The following NALCN variants were observed in gnomAD, a reference collection of about 807,000 sequenced individuals.
The protein encoded by NALCN is sodium leak channel NALCN.
NALCN carries 111 observed loss-of-function variants against 225.3 expected under a neutral mutation model. The ratio of observed to expected loss-of-function variants is 0.49; its 90% CI spans 0.42 to 0.58. NALCN has a LOEUF of 0.58. Ranked by LOEUF, NALCN falls within the 20% of genes least tolerant of loss-of-function variation. The pLI, the probability that NALCN is intolerant of heterozygous loss-of-function variation, is 0.00. For missense variants in NALCN, 1,378 were observed against 2,202.4 expected, an observed-to-expected ratio of 0.63 and a Z score of 7.49; for synonymous variants, 764 against 769.0, an observed-to-expected ratio of 0.99 and a Z score of 0.11.
chr13:101,124,594 T>C lies in NALCN; in HGVS notation c.2192+14A>G, dbSNP rs2036141933. 6.2e-7 allele frequency: 1 copy of C among 1,606,926 alleles called. No homozygotes were observed. Among genetic ancestry groups the C allele is most frequent in the East Asian group, 2.2e-5 (1 of 44,828 alleles). On this transcript the variant is annotated intron_variant, in intron 18 of 43. Transcript: ENST00000251127. ...ACTTGTGTTTAAATATGTGTCAACA[T>C]TAATTGGTGTTACCTTAAGATTTTA... is the stretch of plus-strand genomic sequence containing the variant.
intron 13 of NALCN, among the ~76,000 whole-genome samples, chr13:101,197,049 G>GA (rs1215909756): frequency 6.6e-6 from 1 of 151,956 alleles, no homozygotes; most frequent in Non-Finnish European, 1.5e-5. Context: ...CTCCTCAGCT[G>GA]AAAAAAATAA....
At chr13:101,371,091 T>C (rs925575801) in intron 6 of NALCN, among the ~76,000 whole-genome samples, 7 of 152,216 alleles carry the variant, frequency 4.6e-5, no homozygotes, top group African/African-American at 1.7e-4. Context: ...CAATAGTTCA[T>C]TATTTATTAT....
At chr13:101,211,467 C>T (rs2040519555) in intron 13 of NALCN, among the ~76,000 whole-genome samples, 1 of 151,810 alleles carries the variant, frequency 6.6e-6, no homozygotes, top group Non-Finnish European at 1.5e-5. Context: ...TTATGTGATT[C>T]ATCCTCTAAA....
intron 10 of NALCN, among the ~76,000 whole-genome samples, chr13:101,268,502 T>C (rs1000844944): frequency 1.6e-4 from 25 of 152,300 alleles, no homozygotes; most frequent in Admixed American, 7.2e-4. Flanking sequence ...TGGGCTTTTC[T>C]AAGGTGTTTA....
At chr13:101,075,831 C>G (rs371574267) in intron 35 of NALCN, 42 bp downstream of exon 35, 2 of 1,521,052 alleles carry the variant, frequency 1.3e-6, no homozygotes, top group African/African-American at 2.8e-5. Flanking sequence ...TTCATTAACA[C>G]ATATATGACC....
chr13:101,058,423 G>GTTTCTTTAT, intron 42 of NALCN: 1 of 190,530 alleles, frequency 5.2e-6, no homozygotes, highest in Non-Finnish European at 1.1e-5. Flanking sequence ...GGGCTGGGCG[G>GTTTCTTTAT]GGGCAGTCTA....
chr13:101,111,205 C>A lies in NALCN; in HGVS notation c.2214G>T (p.Met738Ile), dbSNP rs2035415394. The A allele has an allele frequency of 1.2e-6, 2 of 1,601,636 alleles. No homozygotes were observed. Among genetic ancestry groups the A allele is most frequent in the South Asian group, 2.2e-5 (2 of 90,226 alleles). ...KILRACTRQRMLSGSFEGQPA... is the reference protein window; with the variant it reads ...KILRACTRQRILSGSFEGQPA... ...GCTGCCCCTCAAATGATCCGCTCAG[C>A]ATGCGCTGTCGGGTGCAAGCTCTAG... Residue 738 changes from methionine to isoleucine, a missense_variant, in exon 19 of 44, where the codon ATG becomes ATT. Around this residue, in one of 19 missense-constraint regions of NALCN, gnomAD observed 66 missense variants for 85.7 expected, o/e 0.77. Coordinates refer to ENST00000251127, the MANE Select transcript of NALCN (RefSeq NM_052867.4).
chr13:101,341,362 T>C (rs1272345172), intron 7 of NALCN, among the ~76,000 whole-genome samples: 5 of 152,210 alleles, frequency 3.3e-5, no homozygotes, highest in African/African-American at 4.8e-5. Flanking sequence ...ATTCTAGAGT[T>C]CCATATTGAC....
chr13:101,161,321 T>A (rs146015489), intron 15 of NALCN, among the ~76,000 whole-genome samples: 24 of 152,332 alleles, frequency 1.6e-4, no homozygotes, highest in African/African-American at 5.8e-4. Flanking sequence ...CAACTCAACA[T>A]GCCCAAGGCT....
At chr13:101,400,588 T>TGCGC (rs1455284110) in intron 1 of NALCN, among the ~76,000 whole-genome samples, 11 of 129,228 alleles carry the variant, frequency 8.5e-5, no homozygotes, top group African/African-American at 2.9e-4. Flanking sequence ...TGTGCACGTG[T>TGCGC]GTGCGCGCGC....
intron 22 of NALCN, 138 bp downstream of exon 22, chr13:101,107,349 A>G (rs1594217520): frequency 7.0e-7 from 1 of 1,423,596 alleles, no homozygotes; most frequent in Non-Finnish European, 9.5e-7. Context: ...TTCAGCAAAG[A>G]GGAGCAGCAT....
chr13:101,362,767 C>T (rs779207606), intron 6 of NALCN, among the ~76,000 whole-genome samples: 3 of 151,896 alleles, frequency 2.0e-5, no homozygotes, highest in Non-Finnish European at 2.9e-5. Flanking sequence ...AAGAAATAAA[C>T]GACATCCAAA....
intron 11 of NALCN, among the ~76,000 whole-genome samples, chr13:101,255,482 T>C (rs567969900): frequency 1.3e-5 from 2 of 152,320 alleles, no homozygotes; most frequent in East Asian, 3.9e-4. Flanking sequence ...AATGTTACTG[T>C]AATCTCTAAT....
At chr13:101,213,277 AC>A (rs1426862829) in intron 13 of NALCN, among the ~76,000 whole-genome samples, 1 of 152,174 alleles carries the variant, frequency 6.6e-6, no homozygotes, top group Non-Finnish European at 1.5e-5. Context: ...CCTTCCTTAC[AC>A]CTTATACAAA....
At chr13:101,261,707 C>T (rs1309645177) in intron 10 of NALCN, among the ~76,000 whole-genome samples, 1 of 152,216 alleles carries the variant, frequency 6.6e-6, no homozygotes, top group African/African-American at 2.4e-5. Flanking sequence ...TATCCTGCAA[C>T]ATTACTAGGT....
At chr13:101,266,110 C>A (rs2042587473) in intron 10 of NALCN, among the ~76,000 whole-genome samples, 1 of 152,168 alleles carries the variant, frequency 6.6e-6, no homozygotes, top group South Asian at 2.1e-4. Flanking sequence ...ATGACATCTA[C>A]ATCTTTTGGC....
chr13:101,054,299 A>C lies in NALCN; in HGVS notation c.*996T>G, dbSNP rs1204421362. The C allele has an allele frequency of 6.6e-6, 1 of 152,168 alleles. No individual in the cohort carries two copies. Among genetic ancestry groups the C allele is most frequent in the Non-Finnish European group, 1.5e-5 (1 of 68,042 alleles). The allele number at this position is 152,168 out of a possible 1,614,324, so 9.4% of individuals were successfully genotyped here. A position where few individuals can be genotyped will look rare whatever the true frequency, so the allele number is the denominator to read the frequency against. ...TCAAAGGAAGATTTTGCAGGGCACC[A>C]TTATTTCCATAGAAGATTCTTTTAA... On this transcript the variant is annotated 3_prime_UTR_variant, in exon 44 of 44. Coordinates refer to ENST00000251127, the MANE Select transcript of NALCN (RefSeq NM_052867.4).
chr13:101,101,177 C>T (rs1437588345), intron 26 of NALCN, among the ~76,000 whole-genome samples: 3 of 151,594 alleles, frequency 2.0e-5, no homozygotes, highest in Non-Finnish European at 4.4e-5. Context: ...TTAAAATCAA[C>T]ACCTTGATCT....
At chr13:101,337,067 T>C (rs72654866) in intron 7 of NALCN, among the ~76,000 whole-genome samples, 4,601 of 152,296 alleles carry the variant, frequency 0.03, 104 homozygotes, top group South Asian at 0.044. Flanking sequence ...CTTGCCCAGA[T>C]GTTTACAGCT....
Sources: gnomAD v4.1 joint callset for allele counts (sites outside exome capture counted in the v4.1 genomes callset) on GRCh38, gnomAD v4.1.1 for gene constraint, gnomAD v4.1.1 regional missense constraint, MANE v1.5 for transcripts, NCBI Gene and HGNC (gene_info 2026-07-23, HGNC 2026-07-21) for gene names.